The following EPHA7 variants were observed in gnomAD, a reference collection of about 807,000 sequenced individuals.
EPHA7 encodes the protein ephrin type-A receptor 7.
Under a neutral mutation model 112.6 loss-of-function variants are expected in EPHA7, and 25 were observed. That is an observed-to-expected ratio of 0.22 (90% confidence interval 0.16 to 0.31). The LOEUF (loss-of-function observed/expected upper bound fraction) is 0.31, where lower values mean the gene tolerates loss of function less well. Among genes scored for constraint, EPHA7 ranks in the 10% least tolerant of loss-of-function variants. The probability of loss-of-function intolerance (pLI) is 1.00; values close to 1 mark genes in which losing one functional copy is unlikely to be tolerated. For missense variants in EPHA7, 962 were observed against 1,212.6 expected (o/e 0.79, Z 3.07); for synonymous variants, 437 against 406.5 (o/e 1.07, Z -0.90).
intron 5 of EPHA7, among the ~76,000 whole-genome samples, chr6:93,285,270 C>T (rs1355333575): frequency 6.6e-6 from 1 of 152,062 alleles, no homozygotes. Context: ...TATTTTAGTA[C>T]CAAGAGAAAA....
chr6:93,272,689 A>G (rs915807925), intron 5 of EPHA7, among the ~76,000 whole-genome samples: 1 of 152,020 alleles, frequency 6.6e-6, no homozygotes, highest in African/African-American at 2.4e-5. Context: ...GGGGCTGAGA[A>G]TGACAATTAA....
At chr6:93,332,162 T>C (rs1045697653) in intron 5 of EPHA7, among the ~76,000 whole-genome samples, 2 of 151,608 alleles carry the variant, frequency 1.3e-5, no homozygotes, top group Admixed American at 1.3e-4. Context: ...TGAAGCTCAA[T>C]TGCTTGTCAG....
chr6:93,323,173 T>C (rs960222703), intron 5 of EPHA7, among the ~76,000 whole-genome samples: 1 of 151,592 alleles, frequency 6.6e-6, no homozygotes, highest in African/African-American at 2.4e-5. Flanking sequence ...ATTCGTCTCT[T>C]TATGAAAGAA....
At chr6:93,383,133 T>C (rs1164189128) in intron 3 of EPHA7, among the ~76,000 whole-genome samples, 1 of 152,070 alleles carries the variant, frequency 6.6e-6, no homozygotes, top group Admixed American at 6.6e-5. Flanking sequence ...TGCTACCCAA[T>C]AATTAACACT....
chr6:93,247,108 T>C, intron 14 of EPHA7, 123 bp from the exon 15 acceptor site: 1 of 885,358 alleles, frequency 1.1e-6, no homozygotes, highest in Non-Finnish European at 1.6e-6. Flanking sequence ...ACAAAAGACT[T>C]ACTTTTTTCC....
intron 3 of EPHA7, among the ~76,000 whole-genome samples, chr6:93,369,909 A>G (rs1344644146): frequency 6.6e-6 from 1 of 152,202 alleles, no homozygotes; most frequent in Admixed American, 6.5e-5. Flanking sequence ...CATCAGAGCA[A>G]TAGGACTGAT....
At chr6:93,295,514 T>C (rs530785250) in intron 5 of EPHA7, among the ~76,000 whole-genome samples, 1 of 151,584 alleles carries the variant, frequency 6.6e-6, no homozygotes, top group South Asian at 2.1e-4. Flanking sequence ...TATCTAATTA[T>C]ACTTAAATAC....
intron 5 of EPHA7, among the ~76,000 whole-genome samples, chr6:93,351,221 C>T (rs1211138083): frequency 6.6e-6 from 1 of 152,016 alleles, no homozygotes; most frequent in Admixed American, 6.6e-5. Context: ...AAACTGTCAC[C>T]TAGGGACAAC....
intron 3 of EPHA7, among the ~76,000 whole-genome samples, chr6:93,406,959 A>G (rs1778751635): frequency 6.6e-6 from 1 of 151,880 alleles, no homozygotes; most frequent in Admixed American, 6.6e-5. Flanking sequence ...AAATTTTAAA[A>G]AATGACAATA....
chr6:93,401,384 C>A (rs937445258), intron 3 of EPHA7, among the ~76,000 whole-genome samples: 1 of 151,986 alleles, frequency 6.6e-6, no homozygotes, highest in East Asian at 1.9e-4. Flanking sequence ...AACAAAATCA[C>A]AGAATATAAG....
chr6:93,312,962 T>C (rs1773616987), intron 5 of EPHA7, among the ~76,000 whole-genome samples: 1 of 152,160 alleles, frequency 6.6e-6, no homozygotes. Context: ...AAGTTTGCTA[T>C]CTTATAGTCT....
intron 5 of EPHA7, among the ~76,000 whole-genome samples, chr6:93,294,339 G>C (rs954128340): frequency 1.2e-4 from 19 of 152,086 alleles, no homozygotes; most frequent in Admixed American, 2.6e-4. Flanking sequence ...AGTGTATCAG[G>C]GATGATGTGA....
intron 5 of EPHA7, among the ~76,000 whole-genome samples, chr6:93,305,004 C>T (rs1199576336): frequency 6.6e-6 from 1 of 152,014 alleles, no homozygotes; most frequent in Non-Finnish European, 1.5e-5. Flanking sequence ...TGTTTATCAC[C>T]TTCTAAAATA....
At chr6:93,414,664 A>G (rs762250478) in intron 2 of EPHA7, 39 bp downstream of exon 2, 1 of 1,509,352 alleles carries the variant, frequency 6.6e-7, no homozygotes, top group Non-Finnish European at 9.2e-7. Context: ...TTTGTTTCTT[A>G]TTTTAAAAAA....
At chr6:93,417,397 C>T (rs539611520) in intron 1 of EPHA7, among the ~76,000 whole-genome samples, 1 of 152,294 alleles carries the variant, frequency 6.6e-6, no homozygotes, top group East Asian at 1.9e-4. Context: ...GCACTCGCCG[C>T]CCGCCAGCCA....
chr6:93,244,017 A>G (rs1769800298), intron 16 of EPHA7, among the ~76,000 whole-genome samples: 1 of 152,252 alleles, frequency 6.6e-6, no homozygotes, highest in South Asian at 2.1e-4. Flanking sequence ...ACGTGTGGTA[A>G]TTCTGAGCAT....
At chr6:93,375,099 G>A (rs981551440) in intron 3 of EPHA7, among the ~76,000 whole-genome samples, 5 of 151,928 alleles carry the variant, frequency 3.3e-5, no homozygotes, top group Non-Finnish European at 7.4e-5. Flanking sequence ...ATGTATACTG[G>A]ATCCTTGAAA....
intron 3 of EPHA7, among the ~76,000 whole-genome samples, chr6:93,393,260 C>A (rs1448496360): frequency 6.6e-6 from 1 of 151,836 alleles, no homozygotes. Context: ...TGATAGCTTT[C>A]CAGAACCTAG....
At chr6:93,246,638 GA>G (rs920520100) in intron 15 of EPHA7, among the ~76,000 whole-genome samples, 153 bp downstream of exon 15, 2 of 151,942 alleles carry the variant, frequency 1.3e-5, no homozygotes, top group Admixed American at 6.6e-5. Flanking sequence ...TAACTGAAAA[GA>G]AAAAAATAAA....
Sources: gnomAD v4.1 joint callset for allele counts (sites outside exome capture counted in the v4.1 genomes callset) on GRCh38, gnomAD v4.1.1 for gene constraint, MANE v1.5 for transcripts, NCBI Gene and HGNC (gene_info 2026-07-23, HGNC 2026-07-21) for gene names.